Variants in NEDD4L observed in about 807,000 individuals in gnomAD.
NEDD4L encodes the protein E3 ubiquitin-protein ligase NEDD4-like.
Under a neutral mutation model 148.9 loss-of-function variants are expected in NEDD4L, and 54 were observed. That is an observed-to-expected ratio of 0.36 (90% CI 0.29 to 0.45). NEDD4L has a LOEUF of 0.45. Ranked by LOEUF, NEDD4L falls within the 20% of genes least tolerant of loss-of-function variation. NEDD4L has a pLI of 1.00. For synonymous variants in NEDD4L, 433 were observed against 440.7 expected (o/e 0.98, Z 0.22); for missense variants, 856 against 1,233.8 (o/e 0.69, Z 4.59).
chr18:58,273,219 A>G (rs1340998764), intron 5 of NEDD4L, among the ~76,000 whole-genome samples: 2 of 152,248 alleles, frequency 1.3e-5, no homozygotes, highest in Middle Eastern at 3.2e-3. Context: ...GCTGTAGAAC[A>G]CAGTCATGCA....
At chr18:58,117,889 G>C (rs2085960988) in intron 1 of NEDD4L, among the ~76,000 whole-genome samples, 1 of 152,184 alleles carries the variant, frequency 6.6e-6, no homozygotes, top group African/African-American at 2.4e-5. Context: ...GTGCTGCCAG[G>C]AGAAGCTTCC....
intron 18 of NEDD4L, among the ~76,000 whole-genome samples, chr18:58,355,267 G>T (rs551280787): frequency 7.2e-4 from 110 of 152,212 alleles, no homozygotes; most frequent in Middle Eastern, 6.3e-3. Flanking sequence ...AGAGAGGGTT[G>T]GTCCGGGACC....
intron 5 of NEDD4L, among the ~76,000 whole-genome samples, chr18:58,300,092 T>C (rs1179395529): frequency 6.6e-6 from 1 of 152,236 alleles, no homozygotes; most frequent in African/African-American, 2.4e-5. Flanking sequence ...GCTCCACTGC[T>C]TACTCACAGT....
intron 1 of NEDD4L, among the ~76,000 whole-genome samples, chr18:58,051,580 T>A (rs7228264): frequency 0.037 from 5,627 of 152,304 alleles, 247 homozygotes; most frequent in African/African-American, 0.11. Context: ...GCCAATTAAA[T>A]TTTTTATTTT....
At chr18:58,291,299 AG>A (rs2054722674) in intron 5 of NEDD4L, among the ~76,000 whole-genome samples, 1 of 152,244 alleles carries the variant, frequency 6.6e-6, no homozygotes, top group Non-Finnish European at 1.5e-5. Flanking sequence ...GAGGTGAGAT[AG>A]GTCACCTTTT....
rs1367198311 is a variant in NEDD4L at position 58,093,723 on chromosome 18, C to T, written c.48+49015C>T. 2.0e-5 allele frequency among the ~76,000 whole-genome samples: 3 copies of T among 152,182 alleles called. 1 individual carries two copies. The highest frequency in any genetic ancestry group is 4.1e-4 in the South Asian group (2 of 4,832). ...CAGTGGTCAAATATTGCACAATTTA[C>T]GCCAGAGGAGGAGAATTCCCATCAA... On this transcript the variant is annotated intron_variant, in intron 1 of 30. Coordinates refer to ENST00000400345, the MANE Select transcript of NEDD4L (RefSeq NM_001144967.3).
At chr18:58,114,136 G>A (rs905953099) in intron 1 of NEDD4L, among the ~76,000 whole-genome samples, 15 of 152,114 alleles carry the variant, frequency 9.9e-5, no homozygotes, top group African/African-American at 2.9e-4. Flanking sequence ...TTTTAGGGCT[G>A]TGCATTCTTA....
chr18:58,290,805 C>T (rs1433596555), intron 5 of NEDD4L, among the ~76,000 whole-genome samples: 1 of 151,934 alleles, frequency 6.6e-6, no homozygotes, highest in Admixed American at 6.5e-5. Context: ...GTCATCTGCT[C>T]TTAAAGTTAG....
intron 1 of NEDD4L, among the ~76,000 whole-genome samples, chr18:58,163,707 C>T (rs181671752): frequency 1.8e-4 from 28 of 152,338 alleles, no homozygotes; most frequent in Admixed American, 1.8e-3. Context: ...GGACACTGTG[C>T]TTGCCACATG....
At chr18:58,362,476 G>T (rs2045608705) in intron 19 of NEDD4L, among the ~76,000 whole-genome samples, 1 of 152,228 alleles carries the variant, frequency 6.6e-6, no homozygotes, top group African/African-American at 2.4e-5. Flanking sequence ...GTGATGCAGA[G>T]CCAGCTGATG....
intron 17 of NEDD4L, among the ~76,000 whole-genome samples, chr18:58,350,232 T>C (rs2043702398): frequency 6.6e-6 from 1 of 152,168 alleles, no homozygotes; most frequent in Non-Finnish European, 1.5e-5. Context: ...ATGGGAATTT[T>C]TGTTGTTGTT....
chr18:58,368,345 A>C (rs987667458), intron 22 of NEDD4L, among the ~76,000 whole-genome samples: 1 of 152,220 alleles, frequency 6.6e-6, no homozygotes, highest in South Asian at 2.1e-4. Context: ...AAATAATTTC[A>C]TTCTTATTTA....
At chr18:58,097,760 G>T (rs1202784921) in intron 1 of NEDD4L, among the ~76,000 whole-genome samples, 1 of 152,156 alleles carries the variant, frequency 6.6e-6, no homozygotes, top group Non-Finnish European at 1.5e-5. Context: ...GACCAGGTAT[G>T]GTGGCTTATG....
chr18:58,237,674 T>G (rs115085090), intron 2 of NEDD4L, among the ~76,000 whole-genome samples: 11 of 152,226 alleles, frequency 7.2e-5, no homozygotes, highest in African/African-American at 2.4e-4. Flanking sequence ...AATATTTTTA[T>G]TAGCACATAT....
chr18:58,164,345 A>G (rs1468448120), intron 1 of NEDD4L, among the ~76,000 whole-genome samples: 1 of 152,222 alleles, frequency 6.6e-6, no homozygotes, highest in Non-Finnish European at 1.5e-5. Flanking sequence ...AGTTACTAAA[A>G]TGGCACCAAA....
At chr18:58,175,051 G>C (rs1010111792) in intron 2 of NEDD4L, among the ~76,000 whole-genome samples, 1 of 152,242 alleles carries the variant, frequency 6.6e-6, no homozygotes, top group African/African-American at 2.4e-5. Context: ...AAAGTTTGCA[G>C]ACAGTTGGTC....
intron 4 of NEDD4L, among the ~76,000 whole-genome samples, chr18:58,250,143 G>GTTTGTTTTGTTTTGT (rs529802328): frequency 6.6e-5 from 10 of 151,714 alleles, no homozygotes; most frequent in African/African-American, 2.2e-4. Context: ...TTTTTTGTTT[G>GTTTGTTTTGTTTTGT]TTTGTTTTGT....
chr18:58,252,408 T>G (rs2048041996), intron 5 of NEDD4L, among the ~76,000 whole-genome samples: 1 of 152,230 alleles, frequency 6.6e-6, no homozygotes, highest in African/African-American at 2.4e-5. Context: ...GCTCGGTTTT[T>G]AAATGAAAGC....
chr18:58,274,521 G>T (rs559902547), intron 5 of NEDD4L, among the ~76,000 whole-genome samples: 1 of 152,312 alleles, frequency 6.6e-6, no homozygotes, highest in South Asian at 2.1e-4. Context: ...ATAAACAGCT[G>T]CAGTGCCCCC....
Sources: gnomAD v4.1 joint callset for allele counts (sites outside exome capture counted in the v4.1 genomes callset) on GRCh38, gnomAD v4.1.1 for gene constraint, MANE v1.5 for transcripts, NCBI Gene and HGNC (gene_info 2026-07-23, HGNC 2026-07-21) for gene names.